Variants in AFF3 observed in about 807,000 individuals in gnomAD.
AFF3 encodes ALF transcription elongation factor 3.
In AFF3, 32 loss-of-function variants were observed where a neutral mutation model predicts 129.7. The ratio of observed to expected loss-of-function variants is 0.25; its 90% CI spans 0.19 to 0.33. AFF3 has a LOEUF of 0.33. Among genes scored for constraint, AFF3 ranks in the 10% least tolerant of loss-of-function variants. The pLI is 1.00. For synonymous variants in AFF3, 644 were observed against 635.4 expected (o/e 1.01, Z -0.20); for missense variants, 1,373 against 1,592.0 (o/e 0.86, Z 2.34).
At chr2:99,784,352 T>C (rs1684629490) in intron 8 of AFF3, among the ~76,000 whole-genome samples, 1 of 152,098 alleles carries the variant, frequency 6.6e-6, no homozygotes, top group Non-Finnish European at 1.5e-5. Flanking sequence ...TATATTTCAG[T>C]GTAGTAGTAT....
At chr2:99,858,545 T>C (rs1431148797) in intron 7 of AFF3, among the ~76,000 whole-genome samples, 1 of 151,920 alleles carries the variant, frequency 6.6e-6, no homozygotes, top group Non-Finnish European at 1.5e-5. Context: ...AGTGAGACCT[T>C]GTCTTAAGAA....
At chr2:99,619,114 T>C (rs61564116) in intron 13 of AFF3, among the ~76,000 whole-genome samples, 13,357 of 152,234 alleles carry the variant, frequency 0.088, 696 homozygotes, top group East Asian at 0.12. Flanking sequence ...CCCAGAGAGA[T>C]GGCAGTGCCC....
chr2:99,774,510 A>G (rs1683736957), intron 8 of AFF3, among the ~76,000 whole-genome samples: 2 of 152,208 alleles, frequency 1.3e-5, no homozygotes, highest in Non-Finnish European at 2.9e-5. Flanking sequence ...CCTATTTAAT[A>G]AATTGTGCTG....
chr2:100,060,327 CTG>C (rs1687167300), intron 4 of AFF3, among the ~76,000 whole-genome samples: 1 of 152,152 alleles, frequency 6.6e-6, no homozygotes, highest in Non-Finnish European at 1.5e-5. Context: ...GGAAGAGATA[CTG>C]AGGCACAGGA....
At chr2:99,730,128 ATG>A (rs942371487) in intron 10 of AFF3, among the ~76,000 whole-genome samples, 10 of 152,262 alleles carry the variant, frequency 6.6e-5, no homozygotes, top group African/African-American at 2.2e-4. Flanking sequence ...GGTGCTCAGT[ATG>A]TGTCTTCTGT....
At chr2:100,042,916 T>C (rs1437263587) in intron 4 of AFF3, among the ~76,000 whole-genome samples, 4 of 152,222 alleles carry the variant, frequency 2.6e-5, no homozygotes, top group Admixed American at 6.5e-5. Flanking sequence ...AAAGACCACT[T>C]GTCTATAATT....
intron 8 of AFF3, among the ~76,000 whole-genome samples, chr2:99,788,175 C>T (rs1684944166): frequency 1.3e-5 from 2 of 152,168 alleles, no homozygotes; most frequent in Non-Finnish European, 2.9e-5. Context: ...AATGATGTCA[C>T]AGGTTTATGT....
At chr2:100,055,462 T>TAAAAAAAAAA (rs55713850) in intron 4 of AFF3, among the ~76,000 whole-genome samples, 1 of 128,498 alleles carries the variant, frequency 7.8e-6, no homozygotes, top group African/African-American at 3.0e-5. Flanking sequence ...CTAGAAATCT[T>TAAAAAAAAAA]AAAAAAAAAA....
At chr2:99,632,990 C>T (rs1462507661) in intron 13 of AFF3, among the ~76,000 whole-genome samples, 1 of 152,146 alleles carries the variant, frequency 6.6e-6, no homozygotes, top group African/African-American at 2.4e-5. Context: ...TATCACTCGT[C>T]AAGGCCAATG....
rs988456009 is a variant in AFF3 at position 99,830,731 on chromosome 2, T to C, written c.921+6746A>G. ...GCCTGGGTGACAGAGTGAGACTTTG[T>C]CTCAAAAAAGACAAAAACAAAAACA... On this transcript the variant is annotated intron_variant, in intron 8 of 24. Coordinates refer to ENST00000672756, the MANE Select transcript of AFF3 (RefSeq NM_001386135.1). 5.3e-5 allele frequency among the ~76,000 whole-genome samples: 8 copies of C among 152,212 alleles called. No homozygotes were observed. In the East Asian group the frequency reaches 9.7e-4, roughly 18 times the overall value.
At chr2:100,134,166 C>T (rs1467993228) in intron 1 of AFF3, among the ~76,000 whole-genome samples, 1 of 152,088 alleles carries the variant, frequency 6.6e-6, no homozygotes, top group Admixed American at 6.5e-5. Flanking sequence ...GGAGAAATAT[C>T]TAGTTTTTAA....
intron 4 of AFF3, among the ~76,000 whole-genome samples, chr2:100,037,766 T>C (rs1360634686): frequency 7.5e-6 from 1 of 134,100 alleles, no homozygotes; most frequent in Non-Finnish European, 1.5e-5. Context: ...TTAAATATAA[T>C]AAATATATTT....
chr2:99,659,141 C>A (rs1039269725), intron 12 of AFF3, among the ~76,000 whole-genome samples: 1 of 152,208 alleles, frequency 6.6e-6, no homozygotes, highest in Non-Finnish European at 1.5e-5. Flanking sequence ...GAGCGAACAT[C>A]GCTGAAGATT....
At chr2:99,559,437 T>G (rs1675271698) in intron 21 of AFF3, among the ~76,000 whole-genome samples, 1 of 152,170 alleles carries the variant, frequency 6.6e-6, no homozygotes, top group African/African-American at 2.4e-5. Context: ...ACAAAAACAC[T>G]ATGCTGGGAA....
intron 7 of AFF3, among the ~76,000 whole-genome samples, chr2:99,843,226 C>T (rs1689453815): frequency 6.6e-6 from 1 of 152,200 alleles, no homozygotes; most frequent in South Asian, 2.1e-4. Context: ...GTGTCTCCTG[C>T]CTTATCTTTA....
intron 7 of AFF3, among the ~76,000 whole-genome samples, chr2:99,841,140 C>G (rs1689289353): frequency 6.6e-6 from 1 of 152,210 alleles, no homozygotes; most frequent in Admixed American, 6.5e-5. Flanking sequence ...TAAAGCTAAG[C>G]TTCCCTGAAT....
At chr2:99,946,832 G>T (rs567165506) in intron 7 of AFF3, among the ~76,000 whole-genome samples, 2 of 152,116 alleles carry the variant, frequency 1.3e-5, no homozygotes, top group African/African-American at 4.8e-5. Context: ...CTCTGCATCC[G>T]CAATTATATA....
At chr2:99,707,707 T>C in intron 11 of AFF3, 1 of 960,498 alleles carries the variant, frequency 1.0e-6, no homozygotes, top group Non-Finnish European at 1.2e-6. Flanking sequence ...GCCTTTTTTT[T>C]TTTTTTCTTT....
intron 8 of AFF3, among the ~76,000 whole-genome samples, chr2:99,788,676 T>C (rs2105428022): frequency 6.6e-6 from 1 of 152,286 alleles, no homozygotes; most frequent in Non-Finnish European, 1.5e-5. Flanking sequence ...TTTTTAAAAA[T>C]AAATTTAGTA....
Sources: gnomAD v4.1 joint callset for allele counts (sites outside exome capture counted in the v4.1 genomes callset) on GRCh38, gnomAD v4.1.1 for gene constraint, MANE v1.5 for transcripts, NCBI Gene and HGNC (gene_info 2026-07-23, HGNC 2026-07-21) for gene names.